NFU1: variants seen among roughly 807,000 people sequenced by gnomAD.
NFU1 encodes the protein NFU1 iron-sulfur cluster scaffold homolog, mitochondrial.
In NFU1, 30 loss-of-function variants were observed where a neutral mutation model predicts 32.2. The ratio of observed to expected loss-of-function variants is 0.93; its 90% confidence interval spans 0.70 to 1.26. The LOEUF is 1.26. NFU1 is among the 50% of genes most tolerant of loss of function. NFU1 has a pLI of 0.00. For missense variants in NFU1, 306 were observed against 306.6 expected (o/e 1.00, Z 0.02); for synonymous variants, 112 against 104.6 (o/e 1.07, Z -0.43).
intron 2 of NFU1, 50 bp downstream of exon 2, chr2:69,431,852 G>C (rs751710921): frequency 9.2e-7 from 1 of 1,091,318 alleles, no homozygotes; most frequent in Non-Finnish European, 1.4e-6. Context: ...TCCTAGCACA[G>C]TTCCATCAGT....
chr2:69,396,372 T>C (rs955661365), intron 7 of NFU1, 82 bp from the exon 8 acceptor site: 80 of 958,550 alleles, frequency 8.3e-5, no homozygotes, highest in Non-Finnish European at 1.1e-4. Context: ...TATTACTTCT[T>C]TACCTGATAC....
intron 5 of NFU1, among the ~76,000 whole-genome samples, chr2:69,408,827 C>T (rs895969079): frequency 7.0e-6 from 1 of 142,106 alleles, no homozygotes; most frequent in East Asian, 2.1e-4. Flanking sequence ...AGATAAATTC[C>T]TACTGGTGGG....
chr2:69,437,495 G>A, upstream of NFU1: 2 of 1,552,316 alleles, frequency 1.3e-6, no homozygotes. Context: ...CTGGCCGGTA[G>A]CTGGGCGGGC....
intron 6 of NFU1, 112 bp from the exon 7 acceptor site, chr2:69,400,650 G>C: frequency 2.2e-6 from 2 of 909,464 alleles, no homozygotes; most frequent in Non-Finnish European, 3.5e-6. Flanking sequence ...CACAAAGTTA[G>C]AGCTACTTTT....
Position 69,423,614 on chromosome 2 carries a change from G to T in NFU1, c.270C>A (p.Thr90=), listed in dbSNP as rs1316770318. Residue 90 remains threonine (T), a synonymous_variant, in exon 3 of 8, where the codon ACC becomes ACA. Transcript: ENST00000410022. ...GAGGGGAGCGAAATGCTGCAGCTGG[G>T]GTGGGAAAATCCATGGTCCTTGTCT... The part of the protein sequence containing the change: ...VLETRTMDFP[T]PAAAFRSPLA... 1 of 1,613,748 alleles carries T rather than the reference G, an allele frequency of 6.2e-7. No homozygotes were observed. Among genetic ancestry groups the T allele is most frequent in the East Asian group, 2.2e-5 (1 of 44,870 alleles).
At chr2:69,428,427 A>C (rs1673537383) in intron 2 of NFU1, among the ~76,000 whole-genome samples, 1 of 144,420 alleles carries the variant, frequency 6.9e-6, no homozygotes, top group South Asian at 2.1e-4. Context: ...ACTCTGTCTC[A>C]AAAAAAAAAA....
At chr2:69,426,426 C>T (rs973305269) in intron 2 of NFU1, among the ~76,000 whole-genome samples, 43 of 151,942 alleles carry the variant, frequency 2.8e-4, no homozygotes, top group Middle Eastern at 3.2e-3. Context: ...GCTGAGATTA[C>T]CAGCATATAC....
downstream of NFU1, chr2:69,396,003 A>G (rs535293598): frequency 2.7e-5 from 12 of 441,244 alleles, no homozygotes; most frequent in Non-Finnish European, 4.4e-5. Flanking sequence ...TATGCAAAGA[A>G]AGAGCCATGG....
intron 7 of NFU1, 38 bp downstream of exon 7, chr2:69,400,326 A>C: frequency 6.3e-7 from 1 of 1,583,478 alleles, no homozygotes; most frequent in Non-Finnish European, 8.7e-7. Context: ...AAAAGAAAAA[A>C]TGAAAAAAAT....
At chr2:69,419,769 G>A (rs553876583) in intron 3 of NFU1, among the ~76,000 whole-genome samples, 165 bp from the exon 4 acceptor site, 18 of 152,210 alleles carry the variant, frequency 1.2e-4, no homozygotes, top group Admixed American at 4.6e-4. Flanking sequence ...CTACGATTTA[G>A]CAATCCCACT....
chr2:69,400,924 T>G (rs887025501), intron 6 of NFU1, among the ~76,000 whole-genome samples: 48 of 152,170 alleles, frequency 3.2e-4, no homozygotes, highest in Non-Finnish European at 3.8e-4. Flanking sequence ...CACTCCAGCT[T>G]GGGTGACACA....
At chr2:69,399,157 G>A (rs1239387880) in intron 7 of NFU1, 21 of 263,232 alleles carry the variant, frequency 8.0e-5, no homozygotes, top group Non-Finnish European at 1.4e-4. Flanking sequence ...GCAGTGAGCC[G>A]AGATAGCGTG....
intron 3 of NFU1, among the ~76,000 whole-genome samples, chr2:69,422,376 C>G (rs1316038522): frequency 6.6e-6 from 1 of 152,164 alleles, no homozygotes. Flanking sequence ...AGTGAAACCA[C>G]AGATAAGGGG....
At chr2:69,401,962 C>T (rs1259191955) in intron 6 of NFU1, among the ~76,000 whole-genome samples, 1 of 151,728 alleles carries the variant, frequency 6.6e-6, no homozygotes, top group Non-Finnish European at 1.5e-5. Context: ...GGCACGATCT[C>T]AGCTCACTGC....
chr2:69,425,284 G>C (rs1313775286), intron 2 of NFU1, among the ~76,000 whole-genome samples: 1 of 151,688 alleles, frequency 6.6e-6, no homozygotes, highest in Non-Finnish European at 1.5e-5. Flanking sequence ...GCCTCCCAAA[G>C]TAAAGTGCTG....
chr2:69,402,981 C>G (rs542139418), intron 6 of NFU1, among the ~76,000 whole-genome samples: 1 of 150,286 alleles, frequency 6.7e-6, no homozygotes, highest in East Asian at 2.0e-4. Flanking sequence ...CTTCTCTTTT[C>G]TTTTCCCCTC....
chr2:69,437,162 C>A (rs1329176376), intron 1 of NFU1, 199 bp downstream of exon 1: 40 of 1,228,050 alleles, frequency 3.3e-5, no homozygotes, highest in Non-Finnish European at 4.2e-5. Flanking sequence ...AGAGAGTCCG[C>A]CCGGATTAGG....
At chr2:69,396,380 T>TACA in intron 7 of NFU1, 90 bp from the exon 8 acceptor site, 1 of 882,532 alleles carries the variant, frequency 1.1e-6, no homozygotes, top group Non-Finnish European at 1.8e-6. Flanking sequence ...CTTTACCTGA[T>TACA]ACACTCTATA....
chr2:69,427,860 T>TA (rs1382812478), intron 2 of NFU1, among the ~76,000 whole-genome samples: 1 of 150,116 alleles, frequency 6.7e-6, no homozygotes, highest in Non-Finnish European at 1.5e-5. Context: ...GAGGTATTTG[T>TA]AAAAATACAA....
Sources: allele counts gnomAD v4.1 joint callset (sites outside exome capture counted in the v4.1 genomes callset), GRCh38; gene constraint gnomAD v4.1.1; transcripts MANE v1.5; gene names NCBI Gene and HGNC (gene_info 2026-07-23, HGNC 2026-07-21).